Variants in CATSPERE observed in about 807,000 individuals in gnomAD.
CATSPERE encodes the protein cation channel sperm-associated auxiliary subunit epsilon.
CATSPERE carries 93 observed loss-of-function variants against 114.1 expected under a neutral mutation model. That is an observed-to-expected ratio of 0.81 (90% CI 0.69 to 0.97). The LOEUF is 0.97. CATSPERE is among the 50% of genes least tolerant of loss of function. The pLI is 0.00. For synonymous variants in CATSPERE, 341 were observed against 384.1 expected, an observed-to-expected ratio of 0.89 and a Z score of 1.31; for missense variants, 1,058 against 1,131.6, an observed-to-expected ratio of 0.93 and a Z score of 0.93.
intron 2 of CATSPERE, among the ~76,000 whole-genome samples, chr1:244,465,158 C>T (rs2148078600): frequency 6.6e-6 from 1 of 152,030 alleles, no homozygotes; most frequent in Non-Finnish European, 1.5e-5. Flanking sequence ...GCCTCAGCCT[C>T]CTGAGTAGCT....
At position 244,617,705 on chromosome 1, in the gene CATSPERE, G is replaced by C. The variant is rs1383532107; in HGVS notation, c.2648+19G>C. The C allele has an allele frequency of 3.3e-6, 5 of 1,504,588 alleles. No homozygotes were observed. The highest frequency in any genetic ancestry group is 4.4e-6 in the Non-Finnish European group (5 of 1,132,050). 93.2% of individuals were successfully genotyped at this position (1,504,588 alleles called of 1,614,324 possible). A position where few individuals can be genotyped will look rare whatever the true frequency, so the allele number is the denominator to read the frequency against. On this transcript the variant is annotated intron_variant, in intron 20 of 21. Transcript: ENST00000366534. ...ACTATAGGTGAATATATGTGTTACTGTAATAGTGTTAGCATTAGTTCTTCA... is the reference window on the plus strand; with the variant it reads ...ACTATAGGTGAATATATGTGTTACTCTAATAGTGTTAGCATTAGTTCTTCA...
At chr1:244,510,479 A>G (rs962515553) in intron 7 of CATSPERE, among the ~76,000 whole-genome samples, 2 of 152,204 alleles carry the variant, frequency 1.3e-5, no homozygotes, top group African/African-American at 2.4e-5. Context: ...GACACTTGAT[A>G]TGAATTCAAT....
At chr1:244,453,059 T>C (rs1347107289), upstream of CATSPERE, among the ~76,000 whole-genome samples, 2 of 152,162 alleles carry the variant, frequency 1.3e-5, no homozygotes, top group Non-Finnish European at 2.9e-5. Flanking sequence ...TCAGGAACAT[T>C]GAGAACCTGC....
At chr1:244,473,464 G>T (rs1386708868) in intron 2 of CATSPERE, among the ~76,000 whole-genome samples, 1 of 152,084 alleles carries the variant, frequency 6.6e-6, no homozygotes, top group Non-Finnish European at 1.5e-5. Flanking sequence ...TTTCCTTGTT[G>T]TTGAGTTTTA....
chr1:244,453,495 G>A (rs190843663), upstream of CATSPERE, among the ~76,000 whole-genome samples: 6 of 152,296 alleles, frequency 3.9e-5, no homozygotes, highest in Middle Eastern at 3.4e-3. Flanking sequence ...CCCCTTGGGC[G>A]GTTACAAATT....
intron 20 of CATSPERE, among the ~76,000 whole-genome samples, chr1:244,622,149 C>A (rs1030064006): frequency 6.6e-6 from 1 of 152,144 alleles, no homozygotes; most frequent in African/African-American, 2.4e-5. Context: ...GCAGAGTTTA[C>A]CACTACCAAC....
chr1:244,621,533 C>A (rs1672393554), intron 20 of CATSPERE, among the ~76,000 whole-genome samples: 1 of 151,228 alleles, frequency 6.6e-6, no homozygotes. Context: ...TAAGCTCAAG[C>A]CTCAGAAAAT....
In CATSPERE at chr1:244,504,377, A is replaced by G. The variant is rs977871467; in HGVS notation, c.429+5298A>G. On this transcript the variant is annotated intron_variant, in intron 7 of 21. Transcript: ENST00000366534. This position sits in a 1 kb window ranked among gnomAD's most constrained non-coding sequence, Gnocchi z 4.1. ...TACAAGGAGTTCCTGTTTATCCCAC[A>G]CCTAGTTTTCTCTATTATTAATATC... 1.3e-5 allele frequency among the ~76,000 whole-genome samples: 2 copies of G among 152,174 alleles called. No individual in the cohort carries two copies. Among genetic ancestry groups the G allele is most frequent in the Admixed American group, 6.5e-5 (1 of 15,272 alleles).
At position 244,511,077 on chromosome 1, in the gene CATSPERE, A is replaced by G. The variant is rs151212837; in HGVS notation, c.430-7515A>G. On this transcript the variant is annotated intron_variant, in intron 7 of 21. Transcript: ENST00000366534. ...AGGCTGGCCTCGAACTCCTGACCTC[A>G]GGTGATCCACCCACCTCAGCCTCCC... is the stretch of plus-strand genomic sequence containing the variant. Among the ~76,000 whole-genome samples the G allele has an allele frequency of 3.6e-3, 555 of 152,144 alleles. 2 individuals carry two copies. Among genetic ancestry groups the G allele is most frequent in the African/African-American group, 0.013 (533 of 41,552 alleles).
chr1:244,523,028 AC>A (rs1419103962), intron 8 of CATSPERE, among the ~76,000 whole-genome samples: 1 of 146,408 alleles, frequency 6.8e-6, no homozygotes, highest in African/African-American at 2.7e-5. Flanking sequence ...CAGAGACACA[AC>A]CAAAAAAAGA....
intron 13 of CATSPERE, among the ~76,000 whole-genome samples, chr1:244,586,285 TC>T (rs1287752056): frequency 2.0e-5 from 3 of 152,186 alleles, no homozygotes; most frequent in African/African-American, 7.2e-5. Flanking sequence ...TGGTGCTTGA[TC>T]CTGAGGCTTG....
intron 8 of CATSPERE, among the ~76,000 whole-genome samples, chr1:244,543,594 A>T (rs779802117): frequency 4.7e-5 from 7 of 148,884 alleles, no homozygotes; most frequent in Non-Finnish European, 1.0e-4. Flanking sequence ...AGTCAATAAC[A>T]GTAATATATA....
In CATSPERE at chr1:244,610,229, T is replaced by G; in HGVS notation, c.2404-11T>G. 1 of 1,587,220 alleles carries G rather than the reference T, an allele frequency of 6.3e-7. No homozygotes were observed. The highest frequency in any genetic ancestry group is 2.2e-5 in the East Asian group (1 of 44,494). ...TCTACCTACCCACATACATGTGCCATCTTTTGACAGAGTGGTTGTTTACAT... is the reference window on the plus strand; with the variant it reads ...TCTACCTACCCACATACATGTGCCAGCTTTTGACAGAGTGGTTGTTTACAT... On this transcript the variant is annotated splice_polypyrimidine_tract_variant and intron_variant, in intron 18 of 21. Transcript: ENST00000366534.
chr1:244,639,983 A>C lies in CATSPERE; in HGVS notation c.2758A>C (p.Thr920Pro), dbSNP rs1675161960. 4 of 1,549,702 alleles carry C rather than the reference A, an allele frequency of 2.6e-6. No homozygotes were observed. Among genetic ancestry groups the C allele is most frequent in the Non-Finnish European group, 3.5e-6 (4 of 1,146,616 alleles). Reference protein sequence around the residue: ...FLFVLMLLFFTILVLSYFRYM... With the variant: ...FLFVLMLLFFPILVLSYFRYM... ...CTTCGTCCTGATGCTGCTCTTCTTC[A>C]CTATTCTTGTTTTGAGCTACTTTCG... Residue 920 changes from threonine (T) to proline (P), a missense_variant, in exon 22 of 22, where the codon ACT (threonine) becomes CCT (proline). Thr to Pro is a conservative substitution (Grantham distance 38). Around this residue, in one of 2 missense-constraint regions of CATSPERE, gnomAD observed 787 missense variants for 905.6 expected, o/e 0.87. Coordinates refer to ENST00000366534, the MANE Select transcript of CATSPERE (RefSeq NM_001130957.2).
At chr1:244,542,443 T>C (rs1304968380) in intron 8 of CATSPERE, among the ~76,000 whole-genome samples, 1 of 152,198 alleles carries the variant, frequency 6.6e-6, no homozygotes, top group Non-Finnish European at 1.5e-5. Flanking sequence ...GTGAACATTG[T>C]ACTCAATAGG....
chr1:244,527,469 C>T (rs892618335), intron 8 of CATSPERE, among the ~76,000 whole-genome samples: 1 of 152,172 alleles, frequency 6.6e-6, no homozygotes. Context: ...TGCTGTTATC[C>T]TGTTCTTTTT....
intron 8 of CATSPERE, among the ~76,000 whole-genome samples, chr1:244,547,104 T>C (rs986999222): frequency 6.6e-6 from 1 of 152,022 alleles, no homozygotes; most frequent in Non-Finnish European, 1.5e-5. Context: ...AAATAACATA[T>C]GAGGGAGTTC....
chr1:244,609,947 T>A (rs1009130664), intron 18 of CATSPERE, among the ~76,000 whole-genome samples: 3 of 152,186 alleles, frequency 2.0e-5, no homozygotes, highest in Non-Finnish European at 4.4e-5. Flanking sequence ...CTTGAGAGGC[T>A]GAGGCAGGAG....
chr1:244,637,430 C>T (rs1265132267), intron 21 of CATSPERE, among the ~76,000 whole-genome samples: 1 of 152,134 alleles, frequency 6.6e-6, no homozygotes, highest in African/African-American at 2.4e-5. Context: ...GCCATCCACT[C>T]CCATAGTTAC....
Sources: allele counts gnomAD v4.1 joint callset (sites outside exome capture counted in the v4.1 genomes callset), GRCh38; gene constraint gnomAD v4.1.1; regional missense constraint gnomAD v4.1.1; non-coding constraint Gnocchi (gnomAD v3.1); transcripts MANE v1.5; gene names NCBI Gene and HGNC (gene_info 2026-07-23, HGNC 2026-07-21).